The following RERG variants were observed in gnomAD, a reference collection of about 807,000 sequenced individuals.
RERG encodes ras-related and estrogen-regulated growth inhibitor.
RERG carries 25 observed loss-of-function variants against 23.2 expected under a neutral mutation model. The observed-to-expected ratio is 1.08, with a 90% CI of 0.79 to 1.50. The LOEUF is 1.50. RERG is among the 40% of genes most tolerant of loss of function. The pLI is 0.00. For missense variants in RERG, 253 were observed against 250.1 expected, an observed-to-expected ratio of 1.01 and a Z score of -0.08; for synonymous variants, 81 against 89.1, an observed-to-expected ratio of 0.91 and a Z score of 0.51.
chr12:15,181,174 C>T (rs536894578), intron 2 of RERG, among the ~76,000 whole-genome samples: 2 of 152,242 alleles, frequency 1.3e-5, no homozygotes, highest in African/African-American at 4.8e-5. Flanking sequence ...CCTCAACCAG[C>T]CCTGGATAGT....
chr12:15,208,402 T>G (rs1243411119), intron 2 of RERG, among the ~76,000 whole-genome samples: 2 of 152,202 alleles, frequency 1.3e-5, no homozygotes, highest in Non-Finnish European at 2.9e-5. Flanking sequence ...GAAACCACTT[T>G]GGTCATAATA....
intron 1 of RERG, among the ~76,000 whole-genome samples, chr12:15,220,808 G>GAATT (rs1382079104): frequency 6.6e-6 from 1 of 152,074 alleles, no homozygotes. Flanking sequence ...TCATTACTAG[G>GAATT]AATTCTTCCT....
At chr12:15,140,764 T>A (rs1254901138) in intron 2 of RERG, among the ~76,000 whole-genome samples, 1 of 152,166 alleles carries the variant, frequency 6.6e-6, no homozygotes. Flanking sequence ...GAGTCTGCTA[T>A]GTAATTCTTA....
chr12:15,137,712 G>A, intron 2 of RERG: 2 of 311,676 alleles, frequency 6.4e-6, no homozygotes, highest in South Asian at 3.0e-5. Flanking sequence ...TATCTTCGTT[G>A]TCATTCATTC....
At chr12:15,153,294 G>C (rs1461914358) in intron 2 of RERG, among the ~76,000 whole-genome samples, 1 of 152,168 alleles carries the variant, frequency 6.6e-6, no homozygotes, top group East Asian at 1.9e-4. Flanking sequence ...GCGACTTTTA[G>C]AGAACACAGC....
intron 2 of RERG, among the ~76,000 whole-genome samples, chr12:15,197,026 G>A (rs1029357221): frequency 1.3e-5 from 2 of 152,084 alleles, no homozygotes; most frequent in Non-Finnish European, 2.9e-5. Context: ...TATTTATTAC[G>A]TGTCAGGCAA....
At chr12:15,121,570 TA>T (rs1206608897) in intron 2 of RERG, among the ~76,000 whole-genome samples, 2 of 152,212 alleles carry the variant, frequency 1.3e-5, no homozygotes, top group Non-Finnish European at 2.9e-5. Context: ...ATTTGCATTT[TA>T]AAAAAGTAGA....
intron 2 of RERG, among the ~76,000 whole-genome samples, chr12:15,128,407 C>T (rs1863985763): frequency 6.7e-6 from 1 of 149,710 alleles, no homozygotes; most frequent in Non-Finnish European, 1.5e-5. Flanking sequence ...TTTCCTCAGT[C>T]ATTAACAATA....
intron 2 of RERG, among the ~76,000 whole-genome samples, chr12:15,180,225 T>C (rs1316811306): frequency 6.6e-6 from 1 of 152,134 alleles, no homozygotes; most frequent in African/African-American, 2.4e-5. Flanking sequence ...GGCTGACATA[T>C]GTAGTGAACA....
chr12:15,137,479 T>C (rs1334727047), intron 2 of RERG, among the ~76,000 whole-genome samples: 1 of 151,850 alleles, frequency 6.6e-6, no homozygotes, highest in Non-Finnish European at 1.5e-5. Flanking sequence ...TCTACCTTTT[T>C]TGGTTTTACC....
chr12:15,198,270 T>C (rs755382958), intron 2 of RERG, among the ~76,000 whole-genome samples: 14 of 152,096 alleles, frequency 9.2e-5, no homozygotes, highest in Non-Finnish European at 1.8e-4. Flanking sequence ...GGTGCAGAAC[T>C]CAACTCCATT....
In RERG at chr12:15,217,220, C is replaced by T. The variant is rs1288661202; in HGVS notation, c.61+209G>A. The T allele has an allele frequency of 1.1e-5, 6 of 525,630 alleles. No homozygotes were observed. The East Asian group carries it at 1.6e-4, about 14-fold the overall frequency. 32.6% of individuals were successfully genotyped at this position (525,630 alleles called of 1,614,324 possible). A position where few individuals can be genotyped will look rare whatever the true frequency, so the allele number is the denominator to read the frequency against. ...TATCCTTTATCTTGTGTGTTATCAGCAAAGCTACTTCAGCATAAATAAGCA... is the reference window on the plus strand; with the variant it reads ...TATCCTTTATCTTGTGTGTTATCAGTAAAGCTACTTCAGCATAAATAAGCA... On this transcript the variant is annotated intron_variant, in intron 2 of 4. Coordinates refer to ENST00000256953, the MANE Select transcript of RERG (RefSeq NM_032918.3).
intron 2 of RERG, among the ~76,000 whole-genome samples, chr12:15,175,075 T>G (rs1252621719): frequency 6.6e-6 from 1 of 152,026 alleles, no homozygotes; most frequent in East Asian, 1.9e-4. Flanking sequence ...AATAATATAA[T>G]GTGGCAACTC....
At chr12:15,161,138 A>AAAAAGAAAGAAAG in intron 2 of RERG, among the ~76,000 whole-genome samples, 1 of 41,642 alleles carries the variant, frequency 2.4e-5, no homozygotes, top group South Asian at 1.0e-3. Flanking sequence ...CCATCTCAGA[A>AAAAAGAAAGAAAG]AAAGAAAGAA....
In RERG at chr12:15,208,144, T is replaced by C. The variant is rs532983407; in HGVS notation, c.61+9285A>G. On this transcript the variant is annotated intron_variant, in intron 2 of 4. Transcript: ENST00000256953. ...GAGCAGAAGAAATCCTGCCTTAAGA[T>C]TGCAACATTATCTCCTGCCTGAGTT... 4.6e-5 allele frequency among the ~76,000 whole-genome samples: 7 copies of C among 152,278 alleles called. No individual in the cohort carries two copies. In the South Asian group the frequency reaches 6.2e-4, roughly 14 times the overall value.
intron 2 of RERG, among the ~76,000 whole-genome samples, chr12:15,159,684 C>T (rs542184047): frequency 2.6e-5 from 4 of 152,196 alleles, no homozygotes; most frequent in Admixed American, 1.3e-4. Flanking sequence ...CTTAGCTGGG[C>T]GTGGTGGCGG....
intron 2 of RERG, among the ~76,000 whole-genome samples, chr12:15,199,087 A>C (rs902089460): frequency 5.3e-5 from 8 of 152,144 alleles, no homozygotes; most frequent in Admixed American, 3.3e-4. Context: ...TCTGTTTCAC[A>C]TGCAAAATAT....
intron 2 of RERG, among the ~76,000 whole-genome samples, chr12:15,139,391 A>C (rs956750783): frequency 1.3e-5 from 2 of 152,052 alleles, no homozygotes; most frequent in African/African-American, 4.8e-5. Flanking sequence ...AATTGGATTG[A>C]ATCTATAGGT....
intron 2 of RERG, among the ~76,000 whole-genome samples, chr12:15,190,502 C>T (rs899361144): frequency 1.3e-5 from 2 of 152,114 alleles, no homozygotes; most frequent in Non-Finnish European, 2.9e-5. Flanking sequence ...GGGTTATGTA[C>T]ACAACATAGT....
Sources: allele counts gnomAD v4.1 joint callset (sites outside exome capture counted in the v4.1 genomes callset), GRCh38; gene constraint gnomAD v4.1.1; transcripts MANE v1.5; gene names NCBI Gene and HGNC (gene_info 2026-07-23, HGNC 2026-07-21).